The following SERINC5 variants were observed in gnomAD, a reference collection of about 807,000 sequenced individuals.
SERINC5 encodes the protein serine incorporator 5.
Under a neutral mutation model 63.1 loss-of-function variants are expected in SERINC5, and 41 were observed. That is an observed-to-expected ratio of 0.65 (90% CI 0.51 to 0.84). The LOEUF (loss-of-function observed/expected upper bound fraction) is 0.84, where lower values mean the gene tolerates loss of function less well. SERINC5 is among the 40% of genes least tolerant of loss of function. SERINC5 has a pLI of 0.00. For synonymous variants in SERINC5, 222 were observed against 215.2 expected (o/e 1.03, Z -0.28); for missense variants, 523 against 573.0 (o/e 0.91, Z 0.89).
Position 80,140,058 on chromosome 5 carries a change from A to G in SERINC5, c.*3605T>C. 1.0e-6 allele frequency: 1 copy of G among 984,952 alleles called. No homozygotes were observed. The highest frequency in any genetic ancestry group is 4.7e-5 in the South Asian group (1 of 21,268). 61.0% of individuals were successfully genotyped at this position (984,952 alleles called of 1,614,324 possible). Reference sequence around the variant, plus strand: ...AAAAGGCAGAGGGTAGGCTGCGTGCAGTGGTTTACGCCTATAATCCCAGCA... The same window carrying G: ...AAAAGGCAGAGGGTAGGCTGCGTGCGGTGGTTTACGCCTATAATCCCAGCA... On this transcript the variant is annotated 3_prime_UTR_variant, in exon 12 of 12. Transcript: ENST00000507668.
downstream of SERINC5, among the ~76,000 whole-genome samples, chr5:80,135,852 T>C (rs1745148386): frequency 6.7e-6 from 1 of 148,788 alleles, no homozygotes; most frequent in African/African-American, 2.5e-5. Flanking sequence ...AGCTGAAGAC[T>C]ATCAGTATCT....
At chr5:80,145,125 G>A (rs1031469611) in intron 11 of SERINC5, among the ~76,000 whole-genome samples, 3 of 151,972 alleles carry the variant, frequency 2.0e-5, no homozygotes, top group Non-Finnish European at 4.4e-5. Context: ...TGGATCACAA[G>A]GTCAGGAGTT....
Position 80,141,083 on chromosome 5 carries a change from T to G in SERINC5, c.*2580A>C, listed in dbSNP as rs2112284573. ...GGAATGTTGACTCCTCACCTGAGTA[T>G]TGTATATCACAATTAATAACCATTA... is the stretch of plus-strand genomic sequence containing the variant. On this transcript the variant is annotated 3_prime_UTR_variant, in exon 12 of 12. Transcript: ENST00000507668. 3.0e-6 allele frequency: 3 copies of G among 985,416 alleles called. No individual in the cohort carries two copies. In the South Asian group the frequency reaches 1.4e-4, roughly 46 times the overall value. 61.0% of individuals were successfully genotyped at this position (985,416 alleles called of 1,614,324 possible).
At chr5:80,232,138 C>T (rs1357599164) in intron 1 of SERINC5, among the ~76,000 whole-genome samples, 5 of 150,916 alleles carry the variant, frequency 3.3e-5, no homozygotes, top group East Asian at 1.9e-4. Context: ...GGCAAGGTGG[C>T]TCACGCCTGT....
downstream of SERINC5, among the ~76,000 whole-genome samples, chr5:80,137,421 A>ACC (rs1745250816): frequency 6.7e-6 from 1 of 148,752 alleles, no homozygotes; most frequent in African/African-American, 2.5e-5. Flanking sequence ...CAGGCGGATC[A>ACC]TGAGGTCAGG....
intron 1 of SERINC5, among the ~76,000 whole-genome samples, chr5:80,203,994 T>C (rs1750023659): frequency 1.3e-5 from 2 of 152,142 alleles, no homozygotes; most frequent in Non-Finnish European, 2.9e-5. Flanking sequence ...CCCTAATCAA[T>C]GGGATTCAGA....
intron 5 of SERINC5, among the ~76,000 whole-genome samples, chr5:80,172,729 T>C (rs1289596869): frequency 6.6e-6 from 1 of 151,892 alleles, no homozygotes; most frequent in African/African-American, 2.4e-5. Flanking sequence ...TAAGAGCAAA[T>C]AATAATGGAT....
At chr5:80,230,515 C>T (rs1010035204) in intron 1 of SERINC5, among the ~76,000 whole-genome samples, 2 of 149,864 alleles carry the variant, frequency 1.3e-5, no homozygotes, top group African/African-American at 2.5e-5. Flanking sequence ...TCTTTTCAAA[C>T]GGGGCTTGAG....
intron 2 of SERINC5, among the ~76,000 whole-genome samples, chr5:80,191,623 A>G (rs1749192686): frequency 6.7e-6 from 1 of 149,052 alleles, no homozygotes; most frequent in Admixed American, 6.7e-5. Context: ...TGATCGTGCC[A>G]CCACATTCCA....
At chr5:80,183,758 T>C (rs540876389) in intron 2 of SERINC5, among the ~76,000 whole-genome samples, 38 of 151,266 alleles carry the variant, frequency 2.5e-4, no homozygotes, top group Non-Finnish European at 4.4e-4. Context: ...ATTACCTTCC[T>C]AAATCCTATA....
chr5:80,218,546 G>A (rs142765504), intron 1 of SERINC5, among the ~76,000 whole-genome samples: 85 of 151,596 alleles, frequency 5.6e-4, no homozygotes, highest in African/African-American at 1.8e-3. Context: ...ATGGTGGCAC[G>A]TGCCTGTAAT....
At chr5:80,138,390 G>T (rs879065945), downstream of SERINC5, among the ~76,000 whole-genome samples, 1 of 152,126 alleles carries the variant, frequency 6.6e-6, no homozygotes, top group Admixed American at 6.6e-5. Context: ...GTAGTCAGGA[G>T]TTCAAGACCA....
chr5:80,175,209 C>G (rs2112407281), intron 4 of SERINC5, among the ~76,000 whole-genome samples, 162 bp from the exon 5 acceptor site: 1 of 152,224 alleles, frequency 6.6e-6, no homozygotes, highest in South Asian at 2.1e-4. Context: ...ACTCACTTTA[C>G]AGAAGAGAAA....
intron 1 of SERINC5, among the ~76,000 whole-genome samples, chr5:80,214,976 A>G (rs1401851066): frequency 1.3e-5 from 2 of 152,254 alleles, no homozygotes; most frequent in Non-Finnish European, 2.9e-5. Flanking sequence ...AAGCCTTGTA[A>G]AACTTTATAG....
chr5:80,112,393 GT>G (rs1744148589), intron 12 of SERINC5, among the ~76,000 whole-genome samples: 2 of 152,222 alleles, frequency 1.3e-5, no homozygotes, highest in African/African-American at 4.8e-5. Flanking sequence ...CTTTGCTCAC[GT>G]TTTCTTGCTG....
At chr5:80,145,273 G>A (rs1378380567) in intron 11 of SERINC5, among the ~76,000 whole-genome samples, 1 of 152,072 alleles carries the variant, frequency 6.6e-6, no homozygotes, top group African/African-American at 2.4e-5. Context: ...GAACCCAGGG[G>A]CGGAGGTTGC....
At chr5:80,200,273 C>G (rs974299128) in intron 2 of SERINC5, among the ~76,000 whole-genome samples, 1 of 149,822 alleles carries the variant, frequency 6.7e-6, no homozygotes, top group South Asian at 2.1e-4. Context: ...GTCAGGAGAT[C>G]GAGACCATCC....
chr5:80,161,460 A>AT (rs1746917352), intron 7 of SERINC5, among the ~76,000 whole-genome samples: 1 of 152,004 alleles, frequency 6.6e-6, no homozygotes, highest in East Asian at 1.9e-4. Flanking sequence ...AATGTTGAGC[A>AT]TTTTTTTCAA....
At chr5:80,193,521 A>T (rs1195132267) in intron 2 of SERINC5, among the ~76,000 whole-genome samples, 2 of 152,236 alleles carry the variant, frequency 1.3e-5, no homozygotes, top group Non-Finnish European at 2.9e-5. Flanking sequence ...CAATCCTAAA[A>T]GAGATCCAGC....
Sources: gnomAD v4.1 joint callset for allele counts (sites outside exome capture counted in the v4.1 genomes callset) on GRCh38, gnomAD v4.1.1 for gene constraint, MANE v1.5 for transcripts, NCBI Gene and HGNC (gene_info 2026-07-23, HGNC 2026-07-21) for gene names.